The following SLIT1 variants were observed in gnomAD, a reference collection of about 807,000 sequenced individuals.
SLIT1 encodes the protein slit guidance ligand 1.
SLIT1 carries 66 observed loss-of-function variants against 186.1 expected under a neutral mutation model. The observed-to-expected ratio is 0.35, with a 90% CI of 0.29 to 0.44. The LOEUF (loss-of-function observed/expected upper bound fraction) is 0.44. SLIT1 is among the 20% of genes least tolerant of loss of function. The pLI is 1.00. For missense variants in SLIT1, 1,638 were observed against 2,037.4 expected, an observed-to-expected ratio of 0.80 and a Z score of 3.77; for synonymous variants, 761 against 833.8, an observed-to-expected ratio of 0.91 and a Z score of 1.50.
intron 4 of SLIT1, among the ~76,000 whole-genome samples, chr10:97,146,560 C>CCA (rs1433322970): frequency 8.6e-6 from 1 of 116,646 alleles, no homozygotes; most frequent in Non-Finnish European, 2.0e-5. Context: ...GGTACCCCAG[C>CCA]CCCCCCCACT....
At chr10:97,103,610 A>T (rs1463452290) in intron 4 of SLIT1, 1 of 152,230 alleles carries the variant, frequency 6.6e-6, no homozygotes, top group Non-Finnish European at 1.5e-5. Flanking sequence ...GCACAGTGTG[A>T]TTTCCAGACC....
At position 97,063,756 on chromosome 10, in the gene SLIT1, G is replaced by A. The variant is rs540018970; in HGVS notation, c.630-138C>T. On this transcript the variant is annotated intron_variant, in intron 7 of 36. Transcript: ENST00000266058. Reference sequence around the variant, plus strand: ...ACAGTCTACATTTAGTCAAGTAGACGGCTCAGCTCCAACCCGGGGATTATC... The same window carrying A: ...ACAGTCTACATTTAGTCAAGTAGACAGCTCAGCTCCAACCCGGGGATTATC... The A allele has an allele frequency of 6.5e-4, 598 of 920,464 alleles. 3 individuals are homozygous for A. The African/African-American group carries it at 7.5e-3, about 12-fold the overall frequency. The allele number at this position is 920,464 out of a possible 1,614,324, so 57.0% of individuals were successfully genotyped here. A position where few individuals can be genotyped will look rare whatever the true frequency, so the allele number is the denominator to read the frequency against.
At chr10:97,108,721 T>G (rs3000213) in intron 4 of SLIT1, among the ~76,000 whole-genome samples, 70,098 of 151,810 alleles carry the variant, frequency 0.46, 18,940 homozygotes, top group South Asian at 0.6. Flanking sequence ...AACCCTGTCT[T>G]TACTAAAAAT....
intron 18 of SLIT1, among the ~76,000 whole-genome samples, chr10:97,044,976 A>C (rs1387717065): frequency 6.6e-6 from 1 of 152,186 alleles, no homozygotes; most frequent in African/African-American, 2.4e-5. Flanking sequence ...TAGTGCCCTT[A>C]TCAAGGAGAT....
chr10:97,123,642 T>C (rs1405020880), intron 4 of SLIT1, among the ~76,000 whole-genome samples: 1 of 151,632 alleles, frequency 6.6e-6, no homozygotes, highest in Non-Finnish European at 1.5e-5. Flanking sequence ...ATACAAAAAT[T>C]AGCTGGGCAT....
At chr10:97,014,684 T>A (rs187968112) in intron 28 of SLIT1, among the ~76,000 whole-genome samples, 2 of 151,960 alleles carry the variant, frequency 1.3e-5, no homozygotes, top group African/African-American at 4.8e-5. Context: ...CTGGCCAACA[T>A]GGGGAAACGC....
intron 1 of SLIT1, among the ~76,000 whole-genome samples, chr10:97,166,628 A>AGAAAG (rs1373795152): frequency 1.4e-4 from 20 of 146,204 alleles, no homozygotes; most frequent in Middle Eastern, 3.5e-3. Context: ...AGAAAGAGAA[A>AGAAAG]AGAAAAGAAA....
chr10:97,132,219 C>A (rs1433223751), intron 4 of SLIT1, among the ~76,000 whole-genome samples: 1 of 152,178 alleles, frequency 6.6e-6, no homozygotes, highest in Non-Finnish European at 1.5e-5. Flanking sequence ...CCTCCTTTGT[C>A]TTCCCAGACC....
intron 4 of SLIT1, among the ~76,000 whole-genome samples, chr10:97,077,268 T>TA (rs573273396): frequency 4.2e-4 from 62 of 147,968 alleles, no homozygotes; most frequent in South Asian, 1.1e-3. Context: ...CTCCATCTCT[T>TA]AAAAAAAAAA....
At position 97,006,822 on chromosome 10, in the gene SLIT1, G is replaced by A; in HGVS notation, c.3342-102C>T. On this transcript the variant is annotated intron_variant, in intron 31 of 36. Transcript: ENST00000266058. The surrounding 1 kb of genome is among the most constrained non-coding windows in gnomAD (Gnocchi z 4.0). ...ATTCACTAAACATCTTGGGAAAATG[G>A]ATTCTTAAAGCGACAGAAGATGCTC... The A allele has an allele frequency of 1.3e-6, 1 of 783,346 alleles. No homozygotes were observed. Among genetic ancestry groups the A allele is most frequent in the East Asian group, 2.7e-5 (1 of 37,418 alleles). 48.5% of individuals were successfully genotyped at this position (783,346 alleles called of 1,614,324 possible).
intron 1 of SLIT1, among the ~76,000 whole-genome samples, chr10:97,181,499 G>A (rs1353564765): frequency 6.6e-6 from 1 of 152,208 alleles, no homozygotes; most frequent in East Asian, 1.9e-4. Context: ...TCTACAGCAG[G>A]CATGGAGATA....
intron 21 of SLIT1, among the ~76,000 whole-genome samples, chr10:97,038,059 C>G (rs572918360): frequency 2.2e-4 from 33 of 152,280 alleles, no homozygotes. Context: ...CATGGACACT[C>G]CCTGGGCCCC....
intron 4 of SLIT1, among the ~76,000 whole-genome samples, chr10:97,133,978 G>A (rs1461616515): frequency 6.6e-6 from 1 of 152,196 alleles, no homozygotes; most frequent in African/African-American, 2.4e-5. Context: ...TGCTATGACT[G>A]TGCTGCTGGG....
chr10:97,124,290 G>A (rs1335954219), intron 4 of SLIT1, among the ~76,000 whole-genome samples: 2 of 152,160 alleles, frequency 1.3e-5, no homozygotes, highest in African/African-American at 4.8e-5. Context: ...GCAGGGGAGA[G>A]GAAGACTATG....
intron 30 of SLIT1, among the ~76,000 whole-genome samples, chr10:97,012,930 C>T (rs1390749510): frequency 6.6e-6 from 1 of 152,230 alleles, no homozygotes; most frequent in Non-Finnish European, 1.5e-5. Flanking sequence ...TACGTTTGCA[C>T]AACTGCAGTT....
At chr10:97,054,944 G>A (rs753095869) in intron 13 of SLIT1, among the ~76,000 whole-genome samples, 9 of 152,328 alleles carry the variant, frequency 5.9e-5, no homozygotes, top group Non-Finnish European at 1.0e-4. Context: ...CATTCCGGGC[G>A]TGGTGGCTAA....
intron 21 of SLIT1, 29 bp from the exon 22 acceptor site, chr10:97,037,795 C>G: frequency 6.4e-7 from 1 of 1,574,794 alleles, no homozygotes; most frequent in East Asian, 2.3e-5. Flanking sequence ...GGCGTTAGTG[C>G]CCATCTCCAC....
intron 1 of SLIT1, among the ~76,000 whole-genome samples, chr10:97,166,175 C>G (rs2134729981): frequency 6.6e-6 from 1 of 152,146 alleles, no homozygotes; most frequent in East Asian, 1.9e-4. Flanking sequence ...AACCCAAGTC[C>G]AAGCTACTTT....
At chr10:97,048,800 C>A (rs976142127) in intron 14 of SLIT1, among the ~76,000 whole-genome samples, 155 bp downstream of exon 14, 3 of 149,824 alleles carry the variant, frequency 2.0e-5, no homozygotes, top group South Asian at 4.3e-4. Flanking sequence ...GGTGGGTAGG[C>A]GGGCAGGTAT....
Sources: allele counts gnomAD v4.1 joint callset (sites outside exome capture counted in the v4.1 genomes callset), GRCh38; gene constraint gnomAD v4.1.1; non-coding constraint Gnocchi (gnomAD v3.1); transcripts MANE v1.5; gene names NCBI Gene and HGNC (gene_info 2026-07-23, HGNC 2026-07-21).